The following WT1 variants were observed in gnomAD, a reference collection of about 807,000 sequenced individuals.
WT1 encodes WT1 transcription factor, also known as Wilms tumor protein.
WT1 carries 8 observed loss-of-function variants against 60.8 expected under a neutral mutation model. That is an observed-to-expected ratio of 0.13 (90% CI 0.08 to 0.24). The LOEUF (loss-of-function observed/expected upper bound fraction) is 0.24. WT1 is among the 10% of genes least tolerant of loss of function. The pLI, the probability that WT1 is intolerant of heterozygous loss-of-function variation, is 1.00. For synonymous variants in WT1, 312 were observed against 297.1 expected (o/e 1.05, Z -0.52); for missense variants, 568 against 711.8 (o/e 0.80, Z 2.30).
At chr11:32,430,506 CGAA>C (rs749361493) in intron 1 of WT1, 27 of 1,475,144 alleles carry the variant, frequency 1.8e-5, no homozygotes, top group Non-Finnish European at 2.2e-5. Flanking sequence ...ATAGAAGCTA[CGAA>C]GAAGTTTTCT....
intron 5 of WT1, among the ~76,000 whole-genome samples, chr11:32,413,554 G>T (rs1425123098): frequency 6.6e-6 from 1 of 152,202 alleles, no homozygotes; most frequent in Non-Finnish European, 1.5e-5. Context: ...GACAGCCAAG[G>T]TGTCACCATG....
At chr11:32,397,801 C>A (rs901599848) in intron 6 of WT1, among the ~76,000 whole-genome samples, 1 of 152,156 alleles carries the variant, frequency 6.6e-6, no homozygotes. Context: ...TACAACACAA[C>A]ATTGATGTTA....
Position 32,388,260 on chromosome 11 carries a change from C to T in WT1, c.*798G>A, listed in dbSNP as rs969067930. On this transcript the variant is annotated 3_prime_UTR_variant, in exon 10 of 10. Coordinates refer to ENST00000452863, the MANE Select transcript of WT1 (RefSeq NM_024426.6). ...ACACTCCCAGTGATGAAAATGAATT[C>T]CCCTCCATTTGTGCAAGGAGGTATG... 8.6e-6 allele frequency: 2 copies of T among 233,544 alleles called. No individual in the cohort carries two copies. The highest frequency in any genetic ancestry group is 1.7e-5 in the Non-Finnish European group (2 of 118,070). The allele number at this position is 233,544 out of a possible 1,614,324, so 14.5% of individuals were successfully genotyped here.
At chr11:32,393,190 G>A (rs1478161692) in intron 7 of WT1, among the ~76,000 whole-genome samples, 1 of 152,246 alleles carries the variant, frequency 6.6e-6, no homozygotes, top group Non-Finnish European at 1.5e-5. Flanking sequence ...GTGCCTTGAG[G>A]TCAACCTCAT....
intron 9 of WT1, 28 bp from the exon 10 acceptor site, chr11:32,389,207 A>T (rs751800046): frequency 6.2e-7 from 1 of 1,613,880 alleles, no homozygotes; most frequent in South Asian, 1.1e-5. Context: ...AGTCAGAGAC[A>T]CTTGCAACAA....
In WT1 at chr11:32,412,713, A is replaced by C. The variant is rs556192605; in HGVS notation, c.1016+3777T>G. 6.1e-4 allele frequency among the ~76,000 whole-genome samples: 93 copies of C among 151,884 alleles called. 4 individuals are homozygous for C. The highest frequency in any genetic ancestry group is 2.1e-3 in the African/African-American group (88 of 41,374). On this transcript the variant is annotated intron_variant, in intron 5 of 9. Transcript: ENST00000452863. The stretch of plus-strand genomic sequence containing the variant: ...CAGCAACGTTTTCTCCCAGGGACCC[A>C]CTTTAAAAATCTAATTTCATTTGTT...
intron 7 of WT1, among the ~76,000 whole-genome samples, chr11:32,394,551 A>G (rs552821730): frequency 6.6e-6 from 1 of 152,358 alleles, no homozygotes; most frequent in South Asian, 2.1e-4. Context: ...GTTAAAAAGA[A>G]GGAGTTTGAG....
intron 6 of WT1, among the ~76,000 whole-genome samples, chr11:32,398,475 T>G (rs554059085): frequency 2.0e-5 from 3 of 152,080 alleles, no homozygotes; most frequent in African/African-American, 7.2e-5. Flanking sequence ...TCTCCAAAAC[T>G]TTTACCTTTA....
chr11:32,429,326 G>A (rs1257732328), intron 1 of WT1, among the ~76,000 whole-genome samples: 2 of 152,094 alleles, frequency 1.3e-5, no homozygotes, highest in African/African-American at 2.4e-5. Context: ...GACCACTGCT[G>A]TAGGAGCCAA....
intron 6 of WT1, among the ~76,000 whole-genome samples, chr11:32,397,469 T>C (rs530608185): frequency 6.7e-6 from 1 of 149,168 alleles, no homozygotes; most frequent in Non-Finnish European, 1.5e-5. Flanking sequence ...GTGAGAGTCA[T>C]CATGCCCAGC....
chr11:32,407,328 G>A, intron 5 of WT1, among the ~76,000 whole-genome samples: 1 of 152,034 alleles, frequency 6.6e-6, no homozygotes, highest in African/African-American at 2.4e-5. Flanking sequence ...TATTCCACAG[G>A]CACATGAAGA....
chr11:32,428,744 A>C, intron 1 of WT1, 125 bp from the exon 2 acceptor site: 1 of 1,473,126 alleles, frequency 6.8e-7, no homozygotes, highest in Non-Finnish European at 9.2e-7. Context: ...CCAGCGGAGG[A>C]GAATCCAGCC....
At position 32,435,394 on chromosome 11, in the gene WT1, C is replaced by T; in HGVS notation, c.-34G>A. ...CGAGGAGACGGCGGGGCCCGGGCGC[C>T]TGGGCTGCCGTCCCGGCTCTGGGTG... On this transcript the variant is annotated 5_prime_UTR_variant, in exon 1 of 10. Transcript: ENST00000452863. The T allele has an allele frequency of 2.5e-6, 3 of 1,222,080 alleles. No homozygotes were observed. The highest frequency in any genetic ancestry group is 1.3e-5 in the South Asian group (1 of 78,434). 75.7% of individuals were successfully genotyped at this position (1,222,080 alleles called of 1,614,324 possible).
chr11:32,430,400 TA>T, intron 1 of WT1: 1 of 1,283,060 alleles, frequency 7.8e-7, no homozygotes, highest in Non-Finnish European at 1.0e-6. Context: ...GAAAGGACAC[TA>T]AAAAGAGAGA....
chr11:32,425,594 G>A (rs1853009162), intron 3 of WT1, among the ~76,000 whole-genome samples: 1 of 152,168 alleles, frequency 6.6e-6, no homozygotes, highest in African/African-American at 2.4e-5. Context: ...GGAAGCACAT[G>A]ATCTTTGAAA....
chr11:32,429,986 A>AAAG lies in WT1; in HGVS notation c.662-1368_662-1367insCTT, dbSNP rs1554945528. On this transcript the variant is annotated intron_variant, in intron 1 of 9. Transcript: ENST00000452863. ...CCACCACCCCCCGCCCAGAAAAAAA[A>AAAG]AAAAAGAAAAAGAAAAAAAAAAAGC... is the stretch of plus-strand genomic sequence containing the variant. Among the ~76,000 whole-genome samples, 11 of 148,688 alleles carry AAAG rather than the reference A, an allele frequency of 7.4e-5. No homozygotes were observed. The East Asian group carries it at 7.9e-4, about 11-fold the overall frequency.
At chr11:32,428,280 A>G (rs147467689) in intron 2 of WT1, among the ~76,000 whole-genome samples, 1 of 152,234 alleles carries the variant, frequency 6.6e-6, no homozygotes, top group Non-Finnish European at 1.5e-5. Context: ...CCCTCCGGAC[A>G]TTCATAGACT....
chr11:32,391,329 G>C (rs1350235182), intron 9 of WT1, among the ~76,000 whole-genome samples: 1 of 152,184 alleles, frequency 6.6e-6, no homozygotes, highest in Non-Finnish European at 1.5e-5. Flanking sequence ...ACTTAGATAA[G>C]CTAAATATTA....
intron 4 of WT1, 28 bp from the exon 5 acceptor site, chr11:32,416,568 G>C (rs201051855): frequency 6.2e-7 from 1 of 1,613,974 alleles, no homozygotes; most frequent in East Asian, 2.2e-5. Flanking sequence ...GTGGGGAGTG[G>C]GGAATGGAGC....
Sources: allele counts gnomAD v4.1 joint callset (sites outside exome capture counted in the v4.1 genomes callset), GRCh38; gene constraint gnomAD v4.1.1; transcripts MANE v1.5; gene names NCBI Gene and HGNC (gene_info 2026-07-23, HGNC 2026-07-21).